B3GALT1: variants seen among roughly 807,000 people sequenced by gnomAD.
B3GALT1 encodes beta-1,3-galactosyltransferase 1.
Under a neutral mutation model 23.2 loss-of-function variants are expected in B3GALT1, and 10 were observed. The observed-to-expected ratio is 0.43, with a 90% CI of 0.27 to 0.73. B3GALT1 has a LOEUF of 0.73. Among genes scored for constraint, B3GALT1 ranks in the 30% least tolerant of loss-of-function variants. The pLI, the probability that B3GALT1 is intolerant of heterozygous loss-of-function variation, is 0.21. For missense variants in B3GALT1, 299 were observed against 405.4 expected (o/e 0.74, Z 2.25); for synonymous variants, 156 against 141.5 (o/e 1.10, Z -0.73).
chr2:167,314,621 A>G (rs1456904092), intron 1 of B3GALT1, among the ~76,000 whole-genome samples: 1 of 152,192 alleles, frequency 6.6e-6, no homozygotes, highest in East Asian at 1.9e-4. Flanking sequence ...TAGTCATTTT[A>G]TTAAGAATTA....
intron 2 of B3GALT1, among the ~76,000 whole-genome samples, chr2:167,590,987 C>T (rs994181574): frequency 3.3e-5 from 5 of 152,052 alleles, no homozygotes; most frequent in Admixed American, 3.3e-4. Flanking sequence ...ACATTGAGCT[C>T]CTTATGTGAC....
intron 3 of B3GALT1, among the ~76,000 whole-genome samples, chr2:167,763,997 T>G (rs1415095180): frequency 6.6e-6 from 1 of 152,204 alleles, no homozygotes; most frequent in East Asian, 1.9e-4. Flanking sequence ...ACTCCATGCT[T>G]AAAAGTATGC....
chr2:167,424,593 G>C (rs984709349), intron 1 of B3GALT1, among the ~76,000 whole-genome samples: 2 of 151,738 alleles, frequency 1.3e-5, no homozygotes, highest in Non-Finnish European at 2.9e-5. Flanking sequence ...TTGTGTGTAT[G>C]TGTGTGTGTG....
intron 2 of B3GALT1, among the ~76,000 whole-genome samples, chr2:167,625,153 T>G (rs1243874975): frequency 6.6e-6 from 1 of 151,934 alleles, no homozygotes; most frequent in Non-Finnish European, 1.5e-5. Flanking sequence ...GCAGGTAAAT[T>G]GGAAAAGTAT....
In B3GALT1 at chr2:167,621,724, G is replaced by A. The variant is rs535502795; in HGVS notation, c.-409-25185G>A. Among the ~76,000 whole-genome samples, 297 of 152,100 alleles carry A rather than the reference G, an allele frequency of 2.0e-3. 1 individual carries two copies. Among genetic ancestry groups the A allele is most frequent in the Non-Finnish European group, 3.1e-3 (209 of 67,976 alleles). ...TGGTTACCCCCATGCTGCTGTTCTCGTGATAGTGAGTGAGTTCTCACAGGA... is the reference window on the plus strand; with the variant it reads ...TGGTTACCCCCATGCTGCTGTTCTCATGATAGTGAGTGAGTTCTCACAGGA... On this transcript the variant is annotated intron_variant, in intron 2 of 4. Transcript: ENST00000392690.
At chr2:167,513,090 AAGTG>A (rs1700052216) in intron 2 of B3GALT1, among the ~76,000 whole-genome samples, 1 of 147,842 alleles carries the variant, frequency 6.8e-6, no homozygotes, top group African/African-American at 2.5e-5. Context: ...AAAAAAAAAA[AAGTG>A]GAATCACTCA....
intron 1 of B3GALT1, among the ~76,000 whole-genome samples, chr2:167,302,929 T>C (rs1015452040): frequency 1.3e-5 from 2 of 152,126 alleles, no homozygotes; most frequent in Non-Finnish European, 2.9e-5. Context: ...GAACAAAGGG[T>C]TTGGGCAGAG....
chr2:167,830,375 TAA>T (rs59253266), intron 4 of B3GALT1, among the ~76,000 whole-genome samples: 7 of 142,068 alleles, frequency 4.9e-5, no homozygotes, highest in South Asian at 2.3e-4. Context: ...CGTTCATACT[TAA>T]AAAAAAAAAA....
At chr2:167,487,700 A>G (rs758345554) in intron 1 of B3GALT1, among the ~76,000 whole-genome samples, 4 of 152,190 alleles carry the variant, frequency 2.6e-5, no homozygotes, top group Non-Finnish European at 5.9e-5. Context: ...GGGATTGCCC[A>G]CAGAAGGACT....
Position 167,788,095 on chromosome 2 carries a change from C to T in B3GALT1, c.-351-30577C>T, listed in dbSNP as rs1028367739. On this transcript the variant is annotated intron_variant, in intron 3 of 4. Transcript: ENST00000392690. ...GGAGAGGAGAAGAGAAAAGTGGAAT[C>T]GTGGTGCAAAAGGAGATGCCCCATC... Among the ~76,000 whole-genome samples, 4 of 152,086 alleles carry T rather than the reference C, an allele frequency of 2.6e-5. No individual in the cohort carries two copies. In the East Asian group the frequency reaches 5.8e-4, roughly 22 times the overall value.
intron 1 of B3GALT1, among the ~76,000 whole-genome samples, chr2:167,299,391 C>G (rs1696410412): frequency 6.6e-6 from 1 of 152,164 alleles, no homozygotes; most frequent in Non-Finnish European, 1.5e-5. Flanking sequence ...GTTAGGCCTC[C>G]TCAATTCTGT....
At chr2:167,621,267 A>T (rs1450019394) in intron 2 of B3GALT1, among the ~76,000 whole-genome samples, 1 of 151,516 alleles carries the variant, frequency 6.6e-6, no homozygotes, top group Non-Finnish European at 1.5e-5. Flanking sequence ...ACATTTATTT[A>T]TAGAGACAGG....
At chr2:167,458,872 T>G (rs916529615) in intron 1 of B3GALT1, among the ~76,000 whole-genome samples, 1 of 152,200 alleles carries the variant, frequency 6.6e-6, no homozygotes, top group South Asian at 2.1e-4. Context: ...ATCCTGATAC[T>G]TTGCTGAACT....
chr2:167,481,393 A>G, intron 1 of B3GALT1, among the ~76,000 whole-genome samples: 1 of 152,250 alleles, frequency 6.6e-6, no homozygotes. Flanking sequence ...AAATAAAAAC[A>G]AAACAATAAA....
At chr2:167,583,470 G>A (rs528865887) in intron 2 of B3GALT1, among the ~76,000 whole-genome samples, 6 of 151,956 alleles carry the variant, frequency 3.9e-5, no homozygotes, top group East Asian at 1.9e-4. Flanking sequence ...TAGACAACTC[G>A]GGGAATGTCT....
At chr2:167,410,047 A>C (rs1242205619) in intron 1 of B3GALT1, among the ~76,000 whole-genome samples, 1 of 152,168 alleles carries the variant, frequency 6.6e-6, no homozygotes, top group Non-Finnish European at 1.5e-5. Context: ...TCAATGATAG[A>C]CTGGATGAAG....
At chr2:167,563,904 G>GGC (rs745728893) in intron 2 of B3GALT1, among the ~76,000 whole-genome samples, 1 of 126,532 alleles carries the variant, frequency 7.9e-6, no homozygotes, top group Admixed American at 7.5e-5. Context: ...GCCGGGCGGG[G>GGC]CCGATCCCCC....
chr2:167,845,809 G>A (rs746162869), intron 4 of B3GALT1, among the ~76,000 whole-genome samples: 6 of 151,616 alleles, frequency 4.0e-5, no homozygotes, highest in Non-Finnish European at 7.4e-5. Flanking sequence ...GGTTAACTAG[G>A]GAGGCACCAG....
At chr2:167,696,395 T>C (rs1686792896) in intron 3 of B3GALT1, among the ~76,000 whole-genome samples, 1 of 151,524 alleles carries the variant, frequency 6.6e-6, no homozygotes, top group African/African-American at 2.4e-5. Context: ...TAGTAGGTGC[T>C]CAATTAATGA....
Sources: allele counts gnomAD v4.1 joint callset (sites outside exome capture counted in the v4.1 genomes callset), GRCh38; gene constraint gnomAD v4.1.1; transcripts MANE v1.5; gene names NCBI Gene and HGNC (gene_info 2026-07-23, HGNC 2026-07-21).